Variants in G6PC3 observed in about 807,000 individuals in gnomAD.
G6PC3 encodes glucose-6-phosphatase 3.
A neutral mutation model predicts 38.6 loss-of-function variants in G6PC3; 30 were observed. The ratio of observed to expected loss-of-function variants is 0.78; its 90% CI spans 0.58 to 1.05. The LOEUF (loss-of-function observed/expected upper bound fraction) is 1.05. Among genes scored for constraint, G6PC3 ranks in the 50% least tolerant of loss-of-function variants. The pLI is 0.00. For synonymous variants in G6PC3, 192 were observed against 178.1 expected (o/e 1.08, Z -0.62); for missense variants, 377 against 443.1 (o/e 0.85, Z 1.34).
intron 1 of G6PC3, chr17:44,072,038 A>AG (rs1402564371): frequency 7.7e-5 from 20 of 259,042 alleles, no homozygotes; most frequent in Non-Finnish European, 1.2e-4. Context: ...GGGGGAAGGA[A>AG]GGGAGGCTCA....
intron 1 of G6PC3, chr17:44,072,326 T>A (rs1299535984): frequency 2.6e-4 from 3 of 11,576 alleles, no homozygotes; most frequent in Non-Finnish European, 3.3e-4. Flanking sequence ...TCATTTTCTC[T>A]TTTTTTTTTT....
In G6PC3 at chr17:44,075,702, T is replaced by C. The variant is rs548087372; in HGVS notation, c.700T>C (p.Trp234Arg). The C allele has an allele frequency of 3.1e-6, 5 of 1,612,232 alleles. No homozygotes were observed. The African/African-American group carries it at 6.7e-5, about 21-fold the overall frequency. ...CAGGTCCATCAGCCTAGCCTTCAAGTGGTGTGAGCGGCCTGAGTGGATACA... is the reference window on the plus strand; with the variant it reads ...CAGGTCCATCAGCCTAGCCTTCAAGCGGTGTGAGCGGCCTGAGTGGATACA... Reference protein sequence around the residue: ...LSWSISLAFKWCERPEWIHVD... With the variant: ...LSWSISLAFKRCERPEWIHVD... The change falls in exon 6 of 6, where the codon TGG becomes CGG. Residue 234 changes from tryptophan (W) to arginine (R), a missense_variant. Physicochemically the swap from Trp to Arg is moderately radical, Grantham distance 101. Transcript: ENST00000269097.
chr17:44,071,083 C>T lies in G6PC3; in HGVS notation c.118C>T (p.Leu40=). The T allele has an allele frequency of 3.1e-6, 5 of 1,613,494 alleles. No homozygotes were observed. Among genetic ancestry groups the T allele is most frequent in the Non-Finnish European group, 4.2e-6 (5 of 1,179,776 alleles). Residue 40 remains leucine (L), a synonymous_variant, in exon 1 of 6, where the codon CTG becomes TTG. Transcript: ENST00000269097. Reference sequence around the variant, plus strand: ...TCTGGGCGATCCCAAGATCCTCTTTCTGTTCTACTTCCCCGCGGCCTACTA... The same window carrying T: ...TCTGGGCGATCCCAAGATCCTCTTTTTGTTCTACTTCCCCGCGGCCTACTA... The part of the protein sequence containing the change: ...TFLGDPKILF[L]FYFPAAYYAS...
At position 44,074,744 on chromosome 17, in the gene G6PC3, T is replaced by G. The variant is rs770736547; in HGVS notation, c.390T>G (p.Ser130=). The G allele has an allele frequency of 6.2e-7, 1 of 1,614,010 alleles. No individual in the cohort carries two copies. The highest frequency in any genetic ancestry group is 8.5e-7 in the Non-Finnish European group (1 of 1,179,980). ...AALWPIMTAL[S]SQVATRARSR... ...TCTGGCCCATAATGACGGCCCTGTC[T>G]TCGCAGGTGGCCACTCGGGCCCGCA... The change falls in exon 3 of 6, where the codon TCT becomes TCG. Residue 130 remains serine (S), a synonymous_variant. Coordinates refer to ENST00000269097, the MANE Select transcript of G6PC3 (RefSeq NM_138387.4).
Position 44,076,195 on chromosome 17 carries a change from A to C in G6PC3, c.*152A>C. On this transcript the variant is annotated 3_prime_UTR_variant, in exon 6 of 6. Transcript: ENST00000269097. ...GCACCACCTGGTCTTAGCCCCAAAG[A>C]TGGGCCTTCTCTCTCCCAGATAAGT... 2 of 1,031,422 alleles carry C rather than the reference A, an allele frequency of 1.9e-6. No homozygotes were observed. The highest frequency in any genetic ancestry group is 3.0e-6 in the Non-Finnish European group (2 of 663,860). The allele number at this position is 1,031,422 out of a possible 1,614,324, so 63.9% of individuals were successfully genotyped here. A position where few individuals can be genotyped will look rare whatever the true frequency, so the allele number is the denominator to read the frequency against.
At chr17:44,074,621 C>A in intron 2 of G6PC3, 59 bp from the exon 3 acceptor site, 1 of 1,458,162 alleles carries the variant, frequency 6.9e-7, no homozygotes, top group Non-Finnish European at 9.6e-7. Context: ...GAGGCATCAC[C>A]AGGGGCCCCG....
At chr17:44,072,178 T>C (rs1324869227) in intron 1 of G6PC3, 1 of 167,704 alleles carries the variant, frequency 6.0e-6, no homozygotes. Context: ...ACTTCTTTCT[T>C]GCCTAATTGC....
chr17:44,074,939 C>T (rs773803284), intron 3 of G6PC3, 30 bp from the exon 4 acceptor site: 1 of 1,581,758 alleles, frequency 6.3e-7, no homozygotes, highest in Non-Finnish European at 8.7e-7. Flanking sequence ...TATGGACACG[C>T]TCTGAGCTCC....
intron 1 of G6PC3, chr17:44,071,856 C>G (rs1454122742): frequency 2.4e-6 from 1 of 415,870 alleles, no homozygotes; most frequent in Admixed American, 2.7e-5. Flanking sequence ...TAAAGCACTG[C>G]TTTCCAGGGA....
intron 1 of G6PC3, chr17:44,072,128 G>A: frequency 4.9e-6 from 1 of 203,582 alleles, no homozygotes; most frequent in Non-Finnish European, 1.0e-5. Context: ...TTTCCACGAG[G>A]GCCTCATCCT....
intron 1 of G6PC3, chr17:44,072,916 C>T (rs12449799): frequency 0.15 from 22,322 of 152,198 alleles, 2,048 homozygotes; most frequent in Non-Finnish European, 0.2. Context: ...GGATTACAGG[C>T]GTGAGCCACC....
intron 1 of G6PC3, chr17:44,072,321 T>G (rs2049994572): frequency 7.0e-6 from 1 of 141,956 alleles, no homozygotes; most frequent in Admixed American, 8.4e-5. Context: ...CATTTTCATT[T>G]TCTCTTTTTT....
In G6PC3 at chr17:44,075,861, C is replaced by T; in HGVS notation, c.859C>T (p.Leu287Phe). ...GGGAAATGGCCAGAAGATAGCCTGC[C>T]TTGTGCTGGCCATGGGGCTGCTGGG... ...QLGNGQKIACLVLAMGLLGPL... is the reference protein window; with the variant it reads ...QLGNGQKIACFVLAMGLLGPL... Residue 287 changes from leucine to phenylalanine, a missense_variant, in exon 6 of 6, where the codon CTT (leucine) becomes TTT (phenylalanine). Transcript: ENST00000269097. 1 of 1,612,528 alleles carries T rather than the reference C, an allele frequency of 6.2e-7. No individual in the cohort carries two copies.
rs909446373 is a variant in G6PC3, at chr17:44,074,993, C to G, written c.441C>G (p.Ser147Arg). 2 of 1,614,018 alleles carry G rather than the reference C, an allele frequency of 1.2e-6. No individual in the cohort carries two copies. Among genetic ancestry groups the G allele is most frequent in the Non-Finnish European group, 1.7e-6 (2 of 1,179,988 alleles). The change falls in exon 4 of 6, where the codon AGC becomes AGG. Residue 147 changes from serine (S) to arginine (R), a missense_variant. Coordinates refer to ENST00000269097, the MANE Select transcript of G6PC3 (RefSeq NM_138387.4). ...ARSRWVRVMP[S>R]LAYCTFLLAV... ...GCCGCTGGGTAAGGGTGATGCCTAGCCTGGCTTATTGCACCTTCCTTTTGG... is the reference window on the plus strand; with the variant it reads ...GCCGCTGGGTAAGGGTGATGCCTAGGCTGGCTTATTGCACCTTCCTTTTGG...
Position 44,076,339 on chromosome 17 carries a change from C to CT in G6PC3, c.*299dup, listed in dbSNP as rs566517756. The CT allele has an allele frequency of 2.0e-3, 1,223 of 615,034 alleles. 37 individuals carry two copies. Among genetic ancestry groups the CT allele is most frequent in the South Asian group, 0.018 (1,197 of 65,664 alleles). The allele number at this position is 615,034 out of a possible 1,614,324, so 38.1% of individuals were successfully genotyped here. ...GCGGCCCCAATAAAGCCCTTGAATA[C>CT]TTTGAGATTCCTTTCTTGCCTATGC... is the stretch of plus-strand genomic sequence containing the variant. On this transcript the variant is annotated 3_prime_UTR_variant, in exon 6 of 6. Coordinates refer to ENST00000269097, the MANE Select transcript of G6PC3 (RefSeq NM_138387.4).
intron 1 of G6PC3, chr17:44,071,799 A>G (rs1269754195): frequency 1.0e-5 from 5 of 478,276 alleles, no homozygotes; most frequent in East Asian, 6.9e-5. Context: ...CTGCATTTTA[A>G]CAAGGTTCCC....
chr17:44,076,164 G>T lies in G6PC3; in HGVS notation c.*121G>T. 1.5e-6 allele frequency: 2 copies of T among 1,301,238 alleles called. No homozygotes were observed. Among genetic ancestry groups the T allele is most frequent in the Non-Finnish European group, 2.2e-6 (2 of 910,146 alleles). 80.6% of individuals were successfully genotyped at this position (1,301,238 alleles called of 1,614,324 possible). ...AGTAGGCCCTCCCCTCCCTAAATCT[G>T]CTTCCGCACCACCTGGTCTTAGCCC... On this transcript the variant is annotated 3_prime_UTR_variant, in exon 6 of 6. Transcript: ENST00000269097.
chr17:44,074,062 C>A, intron 1 of G6PC3, 98 bp from the exon 2 acceptor site: 1 of 826,362 alleles, frequency 1.2e-6, no homozygotes, highest in Non-Finnish European at 2.2e-6. Flanking sequence ...TTGACTTCAC[C>A]CCTCAGGCCC....
Position 44,070,939 on chromosome 17 carries a change from C to T in G6PC3, c.-27C>T. 2 of 1,547,186 alleles carry T rather than the reference C, an allele frequency of 1.3e-6. No homozygotes were observed. The highest frequency in any genetic ancestry group is 1.7e-6 in the Non-Finnish European group (2 of 1,146,864). On this transcript the variant is annotated 5_prime_UTR_variant, in exon 1 of 6. Transcript: ENST00000269097. ...CTCTGGTTTCCGCCCTGGAGCAAGC[C>T]GGGGCCTGGTCGGCAGCTGGGCCGC... is the stretch of plus-strand genomic sequence containing the variant.
Sources: allele counts gnomAD v4.1 joint callset, GRCh38; gene constraint gnomAD v4.1.1; transcripts MANE v1.5; gene names NCBI Gene and HGNC (gene_info 2026-07-23, HGNC 2026-07-21).